Variants in DYNC2H1 observed in about 807,000 individuals in gnomAD.
DYNC2H1 encodes the protein cytoplasmic dynein 2 heavy chain 1.
In DYNC2H1, 410 loss-of-function variants were observed where a neutral mutation model predicts 570.0. That is an observed-to-expected ratio of 0.72 (90% CI 0.66 to 0.78). DYNC2H1 has a LOEUF of 0.78. Ranked by LOEUF, DYNC2H1 falls within the 30% of genes least tolerant of loss-of-function variation. DYNC2H1 has a pLI of 0.00. For missense variants in DYNC2H1, 4,865 were observed against 5,046.4 expected (o/e 0.96, Z 1.09); for synonymous variants, 1,688 against 1,677.6 (o/e 1.01, Z -0.15).
At chr11:103,424,828 A>G (rs635609) in intron 84 of DYNC2H1, among the ~76,000 whole-genome samples, 84,431 of 152,032 alleles carry the variant, frequency 0.56, 24,088 homozygotes, top group East Asian at 0.72. Flanking sequence ...TGTGGAGTTA[A>G]GAAGAGATGC....
intron 50 of DYNC2H1, among the ~76,000 whole-genome samples, chr11:103,202,796 C>G (rs985312310): frequency 1.3e-5 from 2 of 152,026 alleles, no homozygotes; most frequent in African/African-American, 2.4e-5. Context: ...TATTAAATGC[C>G]TCTTATATGC....
rs376666089 is a variant in DYNC2H1 at position 103,129,072 on chromosome 11, G to A, written c.1953+67G>A. 1.3e-5 allele frequency: 18 copies of A among 1,365,144 alleles called. No homozygotes were observed. Among genetic ancestry groups the A allele is most frequent in the South Asian group, 1.3e-4 (9 of 71,636 alleles). The allele number at this position is 1,365,144 out of a possible 1,614,324, so 84.6% of individuals were successfully genotyped here. A position where few individuals can be genotyped will look rare whatever the true frequency, so the allele number is the denominator to read the frequency against. On this transcript the variant is annotated intron_variant, in intron 13 of 88. Transcript: ENST00000375735. This position sits in a 1 kb window ranked among gnomAD's most constrained non-coding sequence, Gnocchi z 4.1. ...TGAAGTGTTTAATTCTTAATTTTCC[G>A]GTGTTCCCTTCAGCTTAATATATCA... is the stretch of plus-strand genomic sequence containing the variant.
chr11:103,328,417 A>G (rs971446912), intron 82 of DYNC2H1, among the ~76,000 whole-genome samples: 41 of 152,206 alleles, frequency 2.7e-4, no homozygotes, highest in Admixed American at 2.6e-3. Context: ...AGCCACATTT[A>G]AACACCCTTA....
At chr11:103,171,638 CTG>C (rs1218488711) in intron 34 of DYNC2H1, among the ~76,000 whole-genome samples, 1 of 152,070 alleles carries the variant, frequency 6.6e-6, no homozygotes, top group African/African-American at 2.4e-5. Context: ...ATTCTATTGT[CTG>C]TGCTGACATT....
At chr11:103,206,382 TTTGGAA>T (rs1862925165) in intron 52 of DYNC2H1, among the ~76,000 whole-genome samples, 1 of 152,070 alleles carries the variant, frequency 6.6e-6, no homozygotes, top group South Asian at 2.1e-4. Context: ...TGGGAAGGCA[TTTGGAA>T]ATATAAGCCT....
Position 103,304,666 on chromosome 11 carries a change from GCT to G in DYNC2H1, c.11331_11332del (p.Cys3778PhefsTer24). ...LKECARNGDW[L>X]CLKNLHLVVS... Reference sequence around the variant, plus strand: ...AAGAATGTGCCCGCAATGGAGACTGGCTCTGTTTGAAGAACTTACATCTTGTG... The same window carrying G: ...AAGAATGTGCCCGCAATGGAGACTGGCTGTTTGAAGAACTTACATCTTGTG... On this transcript the variant is annotated frameshift_variant, in exon 77 of 89. Coordinates refer to ENST00000375735, the MANE Select transcript of DYNC2H1 (RefSeq NM_001377.3). LOFTEE classifies it high-confidence loss of function. The G allele has an allele frequency of 6.2e-7, 1 of 1,613,326 alleles. No homozygotes were observed. The highest frequency in any genetic ancestry group is 8.5e-7 in the Non-Finnish European group (1 of 1,179,504).
At chr11:103,165,751 A>G (rs980074780) in intron 30 of DYNC2H1, 147 bp from the exon 31 acceptor site, 12 of 584,994 alleles carry the variant, frequency 2.1e-5, no homozygotes, top group Middle Eastern at 9.6e-4. Flanking sequence ...ATATTACTCT[A>G]TTAATATTTA....
rs562432216 is a variant in DYNC2H1, at chr11:103,444,777, A to G, written c.12456+8745A>G. 4.3e-4 allele frequency among the ~76,000 whole-genome samples: 65 copies of G among 152,308 alleles called. 1 individual carries two copies. In the South Asian group the frequency reaches 0.013, roughly 31 times the overall value. On this transcript the variant is annotated intron_variant, in intron 85 of 88. Coordinates refer to ENST00000375735, the MANE Select transcript of DYNC2H1 (RefSeq NM_001377.3). ...CTGAGGGAAAAACAAATCCAGGTAG[A>G]GAGATCAGTAAGTACAGAATCTCTG...
At chr11:103,390,133 A>T (rs1942074816) in intron 83 of DYNC2H1, among the ~76,000 whole-genome samples, 1 of 152,136 alleles carries the variant, frequency 6.6e-6, no homozygotes, top group Admixed American at 6.5e-5. Flanking sequence ...TGGGAGTCTA[A>T]GTCTCTTTGT....
chr11:103,207,786 A>C (rs890844102), intron 52 of DYNC2H1, among the ~76,000 whole-genome samples: 1 of 152,126 alleles, frequency 6.6e-6, no homozygotes, highest in Non-Finnish European at 1.5e-5. Flanking sequence ...GCAGACCTTG[A>C]GTAGGTGGTG....
chr11:103,170,938 G>A lies in DYNC2H1; in HGVS notation c.5204G>A (p.Gly1735Glu). 1.2e-6 allele frequency: 2 copies of A among 1,600,572 alleles called. No homozygotes were observed. The highest frequency in any genetic ancestry group is 1.1e-5 in the South Asian group (1 of 89,114). ...GRIFVGLVKC[G>E]AWGCFDEFNR... is the part of the protein sequence containing the mutation. Reference sequence around the variant, plus strand: ...ATATTTGTTGGTTTGGTGAAGTGTGGGGCCTGGGGTTGTTTTGATGAATTT... The same window carrying A: ...ATATTTGTTGGTTTGGTGAAGTGTGAGGCCTGGGGTTGTTTTGATGAATTT... The change falls in exon 34 of 89, where the codon GGG becomes GAG. Residue 1735 changes from glycine (G) to glutamate (E), a missense_variant. By Grantham distance (98) the Gly-to-Glu change is moderately conservative. This residue lies in a region of DYNC2H1 where 292 missense variants were observed against 300.2 expected (regional missense o/e 0.97). Transcript: ENST00000375735. The surrounding 1 kb of genome is among the most constrained non-coding windows in gnomAD (Gnocchi z 4.8).
Position 103,241,494 on chromosome 11 carries a change from G to C in DYNC2H1, c.9820-2199G>C. On this transcript the variant is annotated intron_variant, in intron 63 of 88. Coordinates refer to ENST00000375735, the MANE Select transcript of DYNC2H1 (RefSeq NM_001377.3). This position sits in a 1 kb window ranked among gnomAD's most constrained non-coding sequence, Gnocchi z 5.1. ...TTCTTTGCTAAAAACATTTTGAAAT[G>C]TTACCTTTCTTCTTTTCATTTAACT... 1 of 1,586,410 alleles carries C rather than the reference G, an allele frequency of 6.3e-7. No homozygotes were observed. The highest frequency in any genetic ancestry group is 1.3e-5 in the African/African-American group (1 of 74,412).
intron 84 of DYNC2H1, among the ~76,000 whole-genome samples, chr11:103,419,523 C>T (rs570378187): frequency 6.6e-6 from 1 of 152,004 alleles, no homozygotes; most frequent in East Asian, 1.9e-4. Flanking sequence ...AGAGTGGACC[C>T]CCAGCAAACC....
chr11:103,306,021 C>T lies in DYNC2H1; in HGVS notation c.11382+1301C>T, dbSNP rs144463516. The stretch of plus-strand genomic sequence containing the variant: ...CCACCTCCCAAGTTCAAATGATTCT[C>T]GTGCCTCAGCCTCCCAAGTAGCTGC... On this transcript the variant is annotated intron_variant, in intron 77 of 88. Transcript: ENST00000375735. Among the ~76,000 whole-genome samples the T allele has an allele frequency of 4.1e-4, 63 of 152,262 alleles. 1 individual carries two copies. The highest frequency in any genetic ancestry group is 1.3e-3 in the African/African-American group (54 of 41,550).
chr11:103,123,791 G>A (rs558104847), intron 11 of DYNC2H1, among the ~76,000 whole-genome samples: 13 of 150,342 alleles, frequency 8.6e-5, no homozygotes, highest in South Asian at 4.2e-4. Flanking sequence ...TCCACACAGC[G>A]TTTCTCATTA....
chr11:103,324,265 A>AT lies in DYNC2H1; in HGVS notation c.12039+276dup, dbSNP rs1350267189. Among the ~76,000 whole-genome samples the AT allele has an allele frequency of 2.0e-5, 3 of 152,212 alleles. No individual in the cohort carries two copies. Among genetic ancestry groups the AT allele is most frequent in the African/African-American group, 7.2e-5 (3 of 41,512 alleles). On this transcript the variant is annotated intron_variant, in intron 82 of 88. Coordinates refer to ENST00000375735, the MANE Select transcript of DYNC2H1 (RefSeq NM_001377.3). This position sits in a 1 kb window ranked among gnomAD's most constrained non-coding sequence, Gnocchi z 5.2. ...AAGGGTTTGGTGTACAGATTATTTTATCACGTAGGTAATAAGTATAGTGCC... is the reference window on the plus strand; with the variant it reads ...AAGGGTTTGGTGTACAGATTATTTTATTCACGTAGGTAATAAGTATAGTGCC...
At chr11:103,392,238 T>C (rs1027370602) in intron 83 of DYNC2H1, among the ~76,000 whole-genome samples, 14 of 152,348 alleles carry the variant, frequency 9.2e-5, no homozygotes, top group African/African-American at 3.4e-4. Context: ...CCTTGCAGTT[T>C]GATCTCAGAC....
chr11:103,136,494 C>G (rs1400729411), intron 17 of DYNC2H1, among the ~76,000 whole-genome samples: 1 of 151,102 alleles, frequency 6.6e-6, no homozygotes, highest in Non-Finnish European at 1.5e-5. Context: ...TTTGTTCTTG[C>G]GATAGTTTAC....
At chr11:103,136,675 A>G (rs1859575607) in intron 17 of DYNC2H1, among the ~76,000 whole-genome samples, 1 of 152,118 alleles carries the variant, frequency 6.6e-6, no homozygotes, top group African/African-American at 2.4e-5. Context: ...GAATAGTGCC[A>G]CAATAAACAT....
Sources: allele counts gnomAD v4.1 joint callset (sites outside exome capture counted in the v4.1 genomes callset), GRCh38; gene constraint gnomAD v4.1.1; regional missense constraint gnomAD v4.1.1; non-coding constraint Gnocchi (gnomAD v3.1); transcripts MANE v1.5; gene names NCBI Gene and HGNC (gene_info 2026-07-23, HGNC 2026-07-21).